The following COL11A1 variants were observed in gnomAD, a reference collection of about 807,000 sequenced individuals.
The protein encoded by COL11A1 is collagen alpha-1(XI) chain.
Under a neutral mutation model 265.2 loss-of-function variants are expected in COL11A1, and 74 were observed. The ratio of observed to expected loss-of-function variants is 0.28; its 90% CI spans 0.23 to 0.34. COL11A1 has a LOEUF of 0.34. Ranked by LOEUF, COL11A1 falls within the 10% of genes least tolerant of loss-of-function variation. The pLI is 1.00. For missense variants in COL11A1, 2,165 were observed against 2,263.6 expected (o/e 0.96, Z 0.88); for synonymous variants, 816 against 727.6 (o/e 1.12, Z -1.96).
At chr1:102,972,952 A>G (rs1413273519) in intron 36 of COL11A1, among the ~76,000 whole-genome samples, 1 of 152,074 alleles carries the variant, frequency 6.6e-6, no homozygotes. Flanking sequence ...TGAAGGGAAT[A>G]TTTAGATCCA....
At chr1:102,950,110 G>A (rs1174263165) in intron 41 of COL11A1, among the ~76,000 whole-genome samples, 1 of 152,028 alleles carries the variant, frequency 6.6e-6, no homozygotes, top group African/African-American at 2.4e-5. Flanking sequence ...TGGATAACAT[G>A]GTGAAACCCC....
At chr1:103,080,298 T>C (rs1274643670) in intron 2 of COL11A1, among the ~76,000 whole-genome samples, 1 of 151,780 alleles carries the variant, frequency 6.6e-6, no homozygotes, top group African/African-American at 2.4e-5. Flanking sequence ...TTGGCTCAAA[T>C]CCCAGCCCTA....
intron 4 of COL11A1, among the ~76,000 whole-genome samples, chr1:103,048,629 G>T (rs1294000589): frequency 6.6e-6 from 1 of 151,962 alleles, no homozygotes; most frequent in Non-Finnish European, 1.5e-5. Context: ...GTTATTTCTT[G>T]CTTTATGCTA....
At chr1:103,068,910 A>G (rs1284294363) in intron 4 of COL11A1, among the ~76,000 whole-genome samples, 1 of 151,554 alleles carries the variant, frequency 6.6e-6, no homozygotes, top group Non-Finnish European at 1.5e-5. Flanking sequence ...CATTGTAAAA[A>G]AAAATTAAAC....
chr1:102,895,255 A>G (rs1436730991), intron 57 of COL11A1, among the ~76,000 whole-genome samples: 1 of 152,174 alleles, frequency 6.6e-6, no homozygotes, highest in Non-Finnish European at 1.5e-5. Context: ...AACTTCCTAT[A>G]AAATTGTTAA....
chr1:103,046,906 A>T (rs528423477), intron 4 of COL11A1, among the ~76,000 whole-genome samples: 1 of 152,156 alleles, frequency 6.6e-6, no homozygotes, highest in Non-Finnish European at 1.5e-5. Context: ...GTCAAAGATC[A>T]GATAGCTGTA....
intron 57 of COL11A1, among the ~76,000 whole-genome samples, chr1:102,894,316 T>C (rs1453335838): frequency 6.6e-6 from 1 of 152,216 alleles, no homozygotes; most frequent in East Asian, 1.9e-4. Flanking sequence ...GATGGATCGC[T>C]TGAGCCCTGG....
intron 46 of COL11A1, among the ~76,000 whole-genome samples, chr1:102,931,216 T>C (rs1223512148): frequency 6.7e-6 from 1 of 150,346 alleles, no homozygotes; most frequent in Non-Finnish European, 1.5e-5. Context: ...TCCTGCTTTC[T>C]CTTGTGGGCA....
intron 5 of COL11A1, among the ~76,000 whole-genome samples, chr1:103,026,889 T>C (rs963047121): frequency 6.6e-6 from 1 of 151,998 alleles, no homozygotes; most frequent in African/African-American, 2.4e-5. Context: ...TAAAATACTG[T>C]AACCAATGGG....
intron 41 of COL11A1, among the ~76,000 whole-genome samples, chr1:102,957,442 G>A (rs1372492261): frequency 2.0e-5 from 3 of 151,814 alleles, no homozygotes; most frequent in Non-Finnish European, 2.9e-5. Flanking sequence ...GTGCAATGAG[G>A]GAATTTATTA....
intron 4 of COL11A1, among the ~76,000 whole-genome samples, chr1:103,068,705 A>C (rs965625079): frequency 1.6e-4 from 24 of 151,488 alleles, no homozygotes; most frequent in Admixed American, 5.9e-4. Context: ...CTAAAAAAAA[A>C]CCCTGAACTA....
At chr1:102,954,049 A>T (rs1660139127) in intron 41 of COL11A1, among the ~76,000 whole-genome samples, 2 of 152,240 alleles carry the variant, frequency 1.3e-5, no homozygotes, top group African/African-American at 4.8e-5. Flanking sequence ...TTATTTCGGT[A>T]CTAAATATTA....
intron 65 of COL11A1, among the ~76,000 whole-genome samples, chr1:102,880,247 A>G (rs1248411290): frequency 6.6e-6 from 1 of 151,324 alleles, no homozygotes; most frequent in African/African-American, 2.4e-5. Context: ...TATCTTTTTG[A>G]AAAAAAAATT....
At chr1:103,034,432 A>G (rs757196132) in intron 4 of COL11A1, among the ~76,000 whole-genome samples, 8 of 152,056 alleles carry the variant, frequency 5.3e-5, no homozygotes, top group Non-Finnish European at 1.2e-4. Flanking sequence ...GTCTTCAAGT[A>G]CACTGATTCT....
rs1007386774 is a variant in COL11A1 at position 102,889,678 on chromosome 1, A to T, written c.4357-116T>A. The T allele has an allele frequency of 7.9e-6, 6 of 756,710 alleles. No homozygotes were observed. In the African/African-American group the frequency reaches 8.8e-5, roughly 11 times the overall value. 46.9% of individuals were successfully genotyped at this position (756,710 alleles called of 1,614,324 possible). ...AGCATAAAAATGAACAATGCTGATA[A>T]AACAACATTAAAATACCCTTCTGAA... is the stretch of plus-strand genomic sequence containing the variant. On this transcript the variant is annotated intron_variant, in intron 58 of 66. Coordinates refer to ENST00000370096, the MANE Select transcript of COL11A1 (RefSeq NM_001854.4).
intron 4 of COL11A1, among the ~76,000 whole-genome samples, chr1:103,063,490 G>C (rs59640131): frequency 0.031 from 4,646 of 152,172 alleles, 269 homozygotes; most frequent in African/African-American, 0.11. Flanking sequence ...TCAACTAATA[G>C]TGCTGGAACA....
chr1:102,970,173 G>A (rs1222964346), intron 37 of COL11A1, 46 bp downstream of exon 37: 4 of 1,485,836 alleles, frequency 2.7e-6, no homozygotes, highest in Admixed American at 1.7e-5. Context: ...GAACTGATGA[G>A]GTGCTAGAGA....
chr1:103,027,569 T>C (rs1207691160), intron 5 of COL11A1, among the ~76,000 whole-genome samples: 1 of 151,396 alleles, frequency 6.6e-6, no homozygotes, highest in Non-Finnish European at 1.5e-5. Context: ...AAGTAGTGTA[T>C]TTGATACGAT....
At chr1:102,909,497 A>AT (rs920751126) in intron 54 of COL11A1, among the ~76,000 whole-genome samples, 5 of 152,062 alleles carry the variant, frequency 3.3e-5, no homozygotes, top group Non-Finnish European at 7.4e-5. Flanking sequence ...AAATAACTAA[A>AT]TTTTTTTGTA....
Sources: gnomAD v4.1 joint callset for allele counts (sites outside exome capture counted in the v4.1 genomes callset) on GRCh38, gnomAD v4.1.1 for gene constraint, MANE v1.5 for transcripts, NCBI Gene and HGNC (gene_info 2026-07-23, HGNC 2026-07-21) for gene names.